NRG2: variants seen among roughly 807,000 people sequenced by gnomAD.
NRG2 encodes pro-neuregulin-2, membrane-bound isoform.
In NRG2, 27 loss-of-function variants were observed where a neutral mutation model predicts 73.9. The ratio of observed to expected loss-of-function variants is 0.37; its 90% CI spans 0.27 to 0.50. NRG2 has a LOEUF of 0.50. Ranked by LOEUF, NRG2 falls within the 20% of genes least tolerant of loss-of-function variation. The pLI is 0.96. For synonymous variants in NRG2, 532 were observed against 541.0 expected, an observed-to-expected ratio of 0.98 and a Z score of 0.23; for missense variants, 1,126 against 1,210.1, an observed-to-expected ratio of 0.93 and a Z score of 1.03.
chr5:139,906,199 T>C (rs1276957610), intron 1 of NRG2, among the ~76,000 whole-genome samples: 1 of 151,790 alleles, frequency 6.6e-6, no homozygotes, highest in Non-Finnish European at 1.5e-5. Flanking sequence ...GTAGAGACGG[T>C]GTTTCACCAT....
At chr5:139,910,361 C>T (rs1165441871) in intron 1 of NRG2, among the ~76,000 whole-genome samples, 1 of 152,196 alleles carries the variant, frequency 6.6e-6, no homozygotes, top group Non-Finnish European at 1.5e-5. Context: ...TCAACACATG[C>T]ACACACACAT....
intron 1 of NRG2, among the ~76,000 whole-genome samples, chr5:139,897,602 G>C (rs1460331733): frequency 6.6e-6 from 1 of 152,180 alleles, no homozygotes; most frequent in Non-Finnish European, 1.5e-5. Flanking sequence ...TCACTGGGTA[G>C]GTGTTCACTG....
At chr5:139,953,183 G>C (rs2126472191) in intron 1 of NRG2, among the ~76,000 whole-genome samples, 1 of 152,298 alleles carries the variant, frequency 6.6e-6, no homozygotes, top group Middle Eastern at 3.4e-3. Context: ...CTTGTGAAGA[G>C]AGGGGGTTGA....
intron 1 of NRG2, among the ~76,000 whole-genome samples, chr5:140,027,772 T>C (rs937736207): frequency 2.6e-5 from 4 of 152,106 alleles, no homozygotes; most frequent in East Asian, 1.9e-4. Flanking sequence ...CCCGCATGGA[T>C]TGGGGGGACT....
chr5:139,851,155 T>A lies in NRG2; in HGVS notation c.1772+449A>T, dbSNP rs1761389497. Among the ~76,000 whole-genome samples, 1 of 151,972 alleles carries A rather than the reference T, an allele frequency of 6.6e-6. No homozygotes were observed. The highest frequency in any genetic ancestry group is 1.5e-5 in the Non-Finnish European group (1 of 67,976). On this transcript the variant is annotated intron_variant, in intron 9 of 9. Coordinates refer to ENST00000361474, the MANE Select transcript of NRG2 (RefSeq NM_004883.3). This position sits in a 1 kb window ranked among gnomAD's most constrained non-coding sequence, Gnocchi z 4.2. ...GCATGTGCCACCATGCCTGGCTAATTTTTGTATTTTTAGTAAAGATGGGGG... is the reference window on the plus strand; with the variant it reads ...GCATGTGCCACCATGCCTGGCTAATATTTGTATTTTTAGTAAAGATGGGGG...
At position 139,847,692 on chromosome 5, in the gene NRG2, G is replaced by A; in HGVS notation, c.*225C>T. The A allele has an allele frequency of 2.7e-6, 1 of 369,304 alleles. No individual in the cohort carries two copies. Among genetic ancestry groups the A allele is most frequent in the Non-Finnish European group, 4.8e-6 (1 of 209,740 alleles). The allele number at this position is 369,304 out of a possible 1,614,324, so 22.9% of individuals were successfully genotyped here. A position where few individuals can be genotyped will look rare whatever the true frequency, so the allele number is the denominator to read the frequency against. On this transcript the variant is annotated 3_prime_UTR_variant, in exon 10 of 10. Coordinates refer to ENST00000361474, the MANE Select transcript of NRG2 (RefSeq NM_004883.3). ...TTTTTTTTCCGAAGCTGTAAATCAGGATGTTACATATAAATAGTTTCCCTA... is the reference window on the plus strand; with the variant it reads ...TTTTTTTTCCGAAGCTGTAAATCAGAATGTTACATATAAATAGTTTCCCTA...
chr5:140,004,910 A>G (rs1227482421), intron 1 of NRG2, among the ~76,000 whole-genome samples: 1 of 152,242 alleles, frequency 6.6e-6, no homozygotes, highest in East Asian at 1.9e-4. Context: ...AGGTTTGTAC[A>G]GAAACTCTCT....
chr5:139,947,489 C>T (rs1421234398), intron 1 of NRG2, among the ~76,000 whole-genome samples: 2 of 152,126 alleles, frequency 1.3e-5, no homozygotes, highest in Non-Finnish European at 2.9e-5. Context: ...AGTTGATGGC[C>T]ATTTAGGTGG....
At chr5:139,862,700 G>A (rs1762230805) in intron 5 of NRG2, among the ~76,000 whole-genome samples, 1 of 152,250 alleles carries the variant, frequency 6.6e-6, no homozygotes, top group African/African-American at 2.4e-5. Context: ...GTGAGCACAT[G>A]CTCATGGGTT....
chr5:139,862,394 G>A (rs955378967), intron 5 of NRG2, among the ~76,000 whole-genome samples: 2 of 152,184 alleles, frequency 1.3e-5, no homozygotes, highest in African/African-American at 2.4e-5. Flanking sequence ...GGCTGTGTCC[G>A]CCCCAGCAAA....
intron 1 of NRG2, among the ~76,000 whole-genome samples, chr5:139,900,853 G>A (rs537394843): frequency 6.6e-6 from 1 of 152,208 alleles, no homozygotes; most frequent in Non-Finnish European, 1.5e-5. Context: ...GCACCAAGGG[G>A]AAGAAGGCAG....
chr5:139,958,056 A>G (rs1257820094), intron 1 of NRG2, among the ~76,000 whole-genome samples: 1 of 152,134 alleles, frequency 6.6e-6, no homozygotes, highest in Admixed American at 6.5e-5. Flanking sequence ...ACCTCCTGGA[A>G]GTTTCCTGGG....
intron 1 of NRG2, among the ~76,000 whole-genome samples, chr5:139,908,805 G>A (rs1003213456): frequency 2.0e-5 from 3 of 152,224 alleles, no homozygotes; most frequent in Non-Finnish European, 1.5e-5. Flanking sequence ...TCATGGGCAG[G>A]TGGAGAGAGT....
At chr5:139,859,858 T>TG in intron 5 of NRG2, 1 of 1,608,952 alleles carries the variant, frequency 6.2e-7, no homozygotes, top group Non-Finnish European at 8.5e-7. Context: ...GCCACGCAGA[T>TG]GGTGCTGAGT....
chr5:139,867,017 C>T (rs1762509689), intron 4 of NRG2, among the ~76,000 whole-genome samples: 1 of 152,194 alleles, frequency 6.6e-6, no homozygotes, highest in Non-Finnish European at 1.5e-5. Flanking sequence ...AAGTTCATCA[C>T]CAGTGTCCCC....
intron 5 of NRG2, among the ~76,000 whole-genome samples, chr5:139,864,756 G>GCACA (rs111734532): frequency 1.6e-4 from 24 of 148,778 alleles, no homozygotes; most frequent in South Asian, 4.2e-4. Flanking sequence ...AAACACGTCG[G>GCACA]CACACACACA....
rs571882169 is a variant in NRG2 at position 140,002,040 on chromosome 5, C to T, written c.700+40330G>A. 3.2e-3 allele frequency among the ~76,000 whole-genome samples: 485 copies of T among 151,906 alleles called. 2 individuals are homozygous for T. The highest frequency in any genetic ancestry group is 3.3e-3 in the Non-Finnish European group (223 of 67,944). ...CTCTACAAAAAATAAAAATATTCGC[C>T]GGGCATGGTGGCATGAGCCTGTGGT... On this transcript the variant is annotated intron_variant, in intron 1 of 9. Coordinates refer to ENST00000361474, the MANE Select transcript of NRG2 (RefSeq NM_004883.3).
In NRG2 at chr5:139,970,347, G is replaced by A. The variant is rs78422299; in HGVS notation, c.700+72023C>T. The stretch of plus-strand genomic sequence containing the variant: ...GGCCAATGGATAAGGTCTGGGTACA[G>A]GATCAGAGCTTTCAAGTCAGGTTGA... On this transcript the variant is annotated intron_variant, in intron 1 of 9. Coordinates refer to ENST00000361474, the MANE Select transcript of NRG2 (RefSeq NM_004883.3). Among the ~76,000 whole-genome samples the A allele has an allele frequency of 5.5e-3, 842 of 152,264 alleles. 10 individuals carry two copies. The highest frequency in any genetic ancestry group is 0.019 in the African/African-American group (803 of 41,546).
intron 1 of NRG2, among the ~76,000 whole-genome samples, chr5:139,931,865 C>A (rs1232145337): frequency 6.6e-6 from 1 of 151,996 alleles, no homozygotes; most frequent in Non-Finnish European, 1.5e-5. Flanking sequence ...CAGGGAAATG[C>A]AAATTAAAAC....
Sources: allele counts gnomAD v4.1 joint callset (sites outside exome capture counted in the v4.1 genomes callset), GRCh38; gene constraint gnomAD v4.1.1; non-coding constraint Gnocchi (gnomAD v3.1); transcripts MANE v1.5; gene names NCBI Gene and HGNC (gene_info 2026-07-23, HGNC 2026-07-21).